CHRM3: variants seen among roughly 807,000 people sequenced by gnomAD.
The protein encoded by CHRM3 is cholinergic receptor muscarinic 3, also known as muscarinic acetylcholine receptor M3.
A neutral mutation model predicts 41.8 loss-of-function variants in CHRM3; 11 were observed. That is an observed-to-expected ratio of 0.26 (90% confidence interval 0.17 to 0.44). The LOEUF is 0.44. CHRM3 is among the 20% of genes least tolerant of loss of function. The pLI is 1.00. For missense variants in CHRM3, 571 were observed against 745.4 expected (o/e 0.77, Z 2.72); for synonymous variants, 297 against 301.4 (o/e 0.99, Z 0.15).
Position 239,827,559 on chromosome 1 carries a change from A to G in CHRM3, c.-20+181A>G, listed in dbSNP as rs944877896. ...TTGAAGGTAATGATAGTTCCTACCTACTGCACAGGCTTCTTGAAGATTAAA... is the reference window on the plus strand; with the variant it reads ...TTGAAGGTAATGATAGTTCCTACCTGCTGCACAGGCTTCTTGAAGATTAAA... On this transcript the variant is annotated intron_variant, in intron 6 of 6. Transcript: ENST00000676153. 3.3e-5 allele frequency among the ~76,000 whole-genome samples: 5 copies of G among 152,198 alleles called. No individual in the cohort carries two copies. The East Asian group carries it at 9.6e-4, about 29-fold the overall frequency.
chr1:239,696,486 G>T (rs932407998), intron 5 of CHRM3, among the ~76,000 whole-genome samples: 8 of 152,022 alleles, frequency 5.3e-5, no homozygotes, highest in African/African-American at 1.7e-4. Context: ...TCCTTAAACT[G>T]TGTGAGTTTC....
chr1:239,502,020 A>G (rs112046383), intron 2 of CHRM3, among the ~76,000 whole-genome samples: 433 of 152,262 alleles, frequency 2.8e-3, no homozygotes, highest in Non-Finnish European at 4.3e-3. Context: ...TCAGGTAACT[A>G]TAGAAACAAG....
intron 4 of CHRM3, among the ~76,000 whole-genome samples, chr1:239,665,765 G>T (rs1452213776): frequency 2.0e-5 from 3 of 152,076 alleles, no homozygotes; most frequent in African/African-American, 4.8e-5. Flanking sequence ...GTGGGAACTT[G>T]CGGTGTTTCG....
At chr1:239,393,558 C>G (rs55633596) in intron 1 of CHRM3, among the ~76,000 whole-genome samples, 1 of 152,178 alleles carries the variant, frequency 6.6e-6, no homozygotes, top group Non-Finnish European at 1.5e-5. Flanking sequence ...TGGAGTCCTC[C>G]TTTCTTCTCT....
At chr1:239,520,637 A>G (rs1474699851) in intron 2 of CHRM3, among the ~76,000 whole-genome samples, 1 of 152,154 alleles carries the variant, frequency 6.6e-6, no homozygotes, top group African/African-American at 2.4e-5. Context: ...TTCCAGTCTC[A>G]GGTAGTTCTT....
intron 1 of CHRM3, among the ~76,000 whole-genome samples, chr1:239,472,162 C>T (rs1174833948): frequency 1.3e-5 from 2 of 152,178 alleles, no homozygotes; most frequent in Non-Finnish European, 2.9e-5. Context: ...TAGCTTGTTA[C>T]ATATCTCTAT....
At chr1:239,521,580 A>C (rs1035902668) in intron 2 of CHRM3, among the ~76,000 whole-genome samples, 6 of 152,226 alleles carry the variant, frequency 3.9e-5, no homozygotes, top group African/African-American at 1.2e-4. Flanking sequence ...ATGCTGAAAT[A>C]CAATACTACG....
intron 2 of CHRM3, among the ~76,000 whole-genome samples, chr1:239,497,573 T>A (rs755002733): frequency 1.3e-5 from 2 of 152,216 alleles, no homozygotes; most frequent in Non-Finnish European, 2.9e-5. Flanking sequence ...CTTGAAAGAA[T>A]AACGAAAGGT....
intron 5 of CHRM3, among the ~76,000 whole-genome samples, chr1:239,759,172 T>G (rs541212841): frequency 3.4e-4 from 49 of 144,030 alleles, no homozygotes; most frequent in African/African-American, 5.2e-4. Flanking sequence ...TTTTTTTGTT[T>G]TTTTTTTTTG....
chr1:239,699,259 C>T (rs1338350316), intron 5 of CHRM3, among the ~76,000 whole-genome samples: 1 of 54,028 alleles, frequency 1.9e-5, no homozygotes, highest in East Asian at 5.2e-4. Flanking sequence ...TATGTTGAAG[C>T]GTAACTCCCA....
intron 1 of CHRM3, among the ~76,000 whole-genome samples, chr1:239,471,085 CTG>C (rs1666085872): frequency 2.0e-5 from 3 of 152,178 alleles, no homozygotes; most frequent in Admixed American, 6.6e-5. Context: ...TATACAAAAA[CTG>C]TGTATCTTTC....
rs1219082366 is a variant in CHRM3, at chr1:239,607,475, G to T, written c.-312-24749G>T. 2.0e-5 allele frequency among the ~76,000 whole-genome samples: 3 copies of T among 151,932 alleles called. No homozygotes were observed. In the East Asian group the frequency reaches 5.8e-4, roughly 29 times the overall value. ...TGGATTTCTTGTTTTTATGTCCCTA[G>T]GGAATAAAAACGTGCTTACGAGACT... On this transcript the variant is annotated intron_variant, in intron 3 of 6. Coordinates refer to ENST00000676153, the MANE Select transcript of CHRM3 (RefSeq NM_001375978.1).
intron 3 of CHRM3, among the ~76,000 whole-genome samples, chr1:239,585,010 G>A (rs1206980707): frequency 6.6e-6 from 1 of 150,978 alleles, no homozygotes; most frequent in African/African-American, 2.4e-5. Flanking sequence ...TTCATGATTT[G>A]CAACTGGAAG....
intron 6 of CHRM3, among the ~76,000 whole-genome samples, chr1:239,839,858 G>A (rs1055832767): frequency 4.6e-5 from 7 of 152,016 alleles, no homozygotes; most frequent in Non-Finnish European, 7.4e-5. Flanking sequence ...AGCTGGAGTA[G>A]AAGTGAAGGA....
At chr1:239,525,759 G>A (rs1051022917) in intron 2 of CHRM3, among the ~76,000 whole-genome samples, 13 of 152,118 alleles carry the variant, frequency 8.5e-5, no homozygotes, top group African/African-American at 2.2e-4. Flanking sequence ...TTTTTCCACA[G>A]GACAGTTTTC....
intron 3 of CHRM3, among the ~76,000 whole-genome samples, chr1:239,589,448 T>C (rs1663826419): frequency 6.6e-6 from 1 of 151,100 alleles, no homozygotes; most frequent in Non-Finnish European, 1.5e-5. Flanking sequence ...TGCATGGAAA[T>C]TACATAAAAC....
Position 239,641,583 on chromosome 1 carries a change from G to C in CHRM3, c.-250+9297G>C, listed in dbSNP as rs370295988. On this transcript the variant is annotated intron_variant, in intron 4 of 6. Coordinates refer to ENST00000676153, the MANE Select transcript of CHRM3 (RefSeq NM_001375978.1). The stretch of plus-strand genomic sequence containing the variant: ...GTCTGTTTTATCAGAGGCTAGGATT[G>C]CAACCCCTGCCTTTTTTTGTTTTCC... Among the ~76,000 whole-genome samples the C allele has an allele frequency of 6.4e-3, 944 of 147,298 alleles. 29 individuals are homozygous for C. The East Asian group carries it at 0.09, about 14-fold the overall frequency.
chr1:239,650,953 T>G (rs895080742), intron 4 of CHRM3, among the ~76,000 whole-genome samples: 1 of 152,196 alleles, frequency 6.6e-6, no homozygotes, highest in Non-Finnish European at 1.5e-5. Flanking sequence ...CATTAATATA[T>G]GTAAATATAT....
intron 1 of CHRM3, among the ~76,000 whole-genome samples, chr1:239,439,387 G>A (rs944845134): frequency 7.2e-5 from 11 of 152,186 alleles, no homozygotes; most frequent in African/African-American, 2.4e-4. Flanking sequence ...CAATTGGGGG[G>A]AAATAAGTAA....
Sources: allele counts gnomAD v4.1 joint callset (sites outside exome capture counted in the v4.1 genomes callset), GRCh38; gene constraint gnomAD v4.1.1; transcripts MANE v1.5; gene names NCBI Gene and HGNC (gene_info 2026-07-23, HGNC 2026-07-21).